The following TSPAN9 variants were observed in gnomAD, a reference collection of about 807,000 sequenced individuals.
The protein encoded by TSPAN9 is tetraspanin-9.
A neutral mutation model predicts 31.0 loss-of-function variants in TSPAN9; 16 were observed. The observed-to-expected ratio is 0.52, with a 90% CI of 0.35 to 0.78. The LOEUF is 0.78. Among genes scored for constraint, TSPAN9 ranks in the 30% least tolerant of loss-of-function variants. TSPAN9 has a pLI of 0.01. For synonymous variants in TSPAN9, 145 were observed against 121.6 expected, an observed-to-expected ratio of 1.19 and a Z score of -1.27; for missense variants, 272 against 312.5, an observed-to-expected ratio of 0.87 and a Z score of 0.98.
intron 3 of TSPAN9, among the ~76,000 whole-genome samples, chr12:3,247,499 C>T (rs867812534): frequency 7.2e-5 from 11 of 152,138 alleles, no homozygotes; most frequent in South Asian, 6.2e-4. Context: ...TGCAGGGTCT[C>T]AAATCCTCTT....
At chr12:3,113,911 T>C (rs1402229230) in intron 2 of TSPAN9, among the ~76,000 whole-genome samples, 2 of 152,230 alleles carry the variant, frequency 1.3e-5, no homozygotes, top group Non-Finnish European at 2.9e-5. Context: ...CAGGTCCCCT[T>C]GTTCCACGTG....
At chr12:3,212,191 C>T (rs1051445030) in intron 3 of TSPAN9, among the ~76,000 whole-genome samples, 68 of 151,808 alleles carry the variant, frequency 4.5e-4, no homozygotes, top group African/African-American at 1.6e-3. Flanking sequence ...AGGCTGGTCT[C>T]GAACTTCTGA....
At chr12:3,232,571 G>T (rs1380046819) in intron 3 of TSPAN9, among the ~76,000 whole-genome samples, 1 of 152,248 alleles carries the variant, frequency 6.6e-6, no homozygotes, top group Non-Finnish European at 1.5e-5. Flanking sequence ...GGCCAGCTTT[G>T]CATCGGAATC....
chr12:3,248,698 A>T (rs140348849), intron 3 of TSPAN9, among the ~76,000 whole-genome samples: 133 of 151,924 alleles, frequency 8.8e-4, no homozygotes, highest in African/African-American at 3.1e-3. Flanking sequence ...CAGTTTGGTT[A>T]TGCCCCCTGC....
Position 3,147,819 on chromosome 12 carries a change from G to C in TSPAN9, c.-17-53358G>C, listed in dbSNP as rs1320830323. On this transcript the variant is annotated intron_variant, in intron 2 of 8. Coordinates refer to ENST00000011898, the MANE Select transcript of TSPAN9 (RefSeq NM_006675.5). This position sits in a 1 kb window ranked among gnomAD's most constrained non-coding sequence, Gnocchi z 4.3. ...GCAGTGTTGGCTCACACTGGTGGGT[G>C]CCCTTTGGTGAGAGGTGCGTTGTGA... Among the ~76,000 whole-genome samples the C allele has an allele frequency of 1.3e-5, 2 of 152,220 alleles. No homozygotes were observed. The highest frequency in any genetic ancestry group is 2.9e-5 in the Non-Finnish European group (2 of 68,042).
Position 3,154,679 on chromosome 12 carries a change from G to A in TSPAN9, c.-17-46498G>A, listed in dbSNP as rs556919268. Among the ~76,000 whole-genome samples, 7 of 152,282 alleles carry A rather than the reference G, an allele frequency of 4.6e-5. 1 individual carries two copies. The South Asian group carries it at 1.0e-3, about 23-fold the overall frequency. Reference sequence around the variant, plus strand: ...TAGAACATGATGCACATGTTCAGCCGTGCAAAAGAGGAGCTAGTGCTTAAG... The same window carrying A: ...TAGAACATGATGCACATGTTCAGCCATGCAAAAGAGGAGCTAGTGCTTAAG... On this transcript the variant is annotated intron_variant, in intron 2 of 8. Transcript: ENST00000011898.
At chr12:3,126,965 G>C (rs2153966665) in intron 2 of TSPAN9, among the ~76,000 whole-genome samples, 1 of 152,200 alleles carries the variant, frequency 6.6e-6, no homozygotes, top group South Asian at 2.1e-4. Context: ...AAAAATTCAT[G>C]GAGTCTCGCT....
intron 2 of TSPAN9, among the ~76,000 whole-genome samples, chr12:3,084,670 AT>A (rs1375032321): frequency 6.6e-6 from 1 of 152,238 alleles, no homozygotes; most frequent in African/African-American, 2.4e-5. Flanking sequence ...TCCACAACCA[AT>A]TTAACTTAAT....
At chr12:3,137,881 G>A (rs202006400) in intron 2 of TSPAN9, among the ~76,000 whole-genome samples, 2 of 151,894 alleles carry the variant, frequency 1.3e-5, no homozygotes, top group Admixed American at 6.6e-5. Flanking sequence ...TCCTTCCCTC[G>A]TCCTATCCCA....
chr12:3,132,020 A>G (rs2098330036), intron 2 of TSPAN9, among the ~76,000 whole-genome samples: 1 of 152,170 alleles, frequency 6.6e-6, no homozygotes, highest in South Asian at 2.1e-4. Context: ...AGAATCATAC[A>G]GTATGTGGCC....
intron 2 of TSPAN9, among the ~76,000 whole-genome samples, chr12:3,184,249 TTAG>T (rs1313149051): frequency 6.6e-6 from 1 of 151,854 alleles, no homozygotes; most frequent in East Asian, 1.9e-4. Flanking sequence ...AATACAAAAA[TTAG>T]CTGGGCGTGG....
intron 2 of TSPAN9, among the ~76,000 whole-genome samples, chr12:3,181,128 G>T (rs1402780591): frequency 1.3e-5 from 2 of 152,166 alleles, no homozygotes; most frequent in Non-Finnish European, 2.9e-5. Flanking sequence ...TCTTATGTGC[G>T]AGCGGCTGGC....
intron 3 of TSPAN9, among the ~76,000 whole-genome samples, chr12:3,246,375 T>C (rs1862127538): frequency 6.6e-6 from 1 of 152,082 alleles, no homozygotes; most frequent in Non-Finnish European, 1.5e-5. Flanking sequence ...TTCCCCACCT[T>C]TTCCCAGCTC....
intron 2 of TSPAN9, among the ~76,000 whole-genome samples, chr12:3,153,626 A>T (rs893128255): frequency 6.6e-6 from 1 of 152,212 alleles, no homozygotes; most frequent in Non-Finnish European, 1.5e-5. Context: ...TGTTTAGCTC[A>T]CAATTTTAAC....
intron 2 of TSPAN9, among the ~76,000 whole-genome samples, chr12:3,191,116 A>G (rs1196390680): frequency 6.6e-6 from 1 of 152,086 alleles, no homozygotes; most frequent in African/African-American, 2.4e-5. Context: ...CGGAGGGAGC[A>G]TCCAGTGCAA....
intron 3 of TSPAN9, among the ~76,000 whole-genome samples, chr12:3,208,680 A>C (rs2153973762): frequency 6.6e-6 from 1 of 152,334 alleles, no homozygotes; most frequent in East Asian, 1.9e-4. Flanking sequence ...GACAGTTGTA[A>C]AATACATCAT....
At chr12:3,104,850 A>C (rs1195973341) in intron 2 of TSPAN9, among the ~76,000 whole-genome samples, 1 of 152,224 alleles carries the variant, frequency 6.6e-6, no homozygotes, top group Non-Finnish European at 1.5e-5. Flanking sequence ...GGCAGGTTCC[A>C]AAGGTTGTGC....
In TSPAN9 at chr12:3,280,576, C is replaced by A; in HGVS notation, c.432+93C>A. On this transcript the variant is annotated intron_variant, in intron 6 of 8. Transcript: ENST00000011898. This position sits in a 1 kb window ranked among gnomAD's most constrained non-coding sequence, Gnocchi z 4.5. ...CTTCCCCGGTGACCTGGCCGGGCACCTGTGCTTTCTGGATTTTAGCCGGGA... is the reference window on the plus strand; with the variant it reads ...CTTCCCCGGTGACCTGGCCGGGCACATGTGCTTTCTGGATTTTAGCCGGGA... The A allele has an allele frequency of 1.7e-6, 2 of 1,187,148 alleles. No individual in the cohort carries two copies. The allele number at this position is 1,187,148 out of a possible 1,614,324, so 73.5% of individuals were successfully genotyped here.
intron 1 of TSPAN9, among the ~76,000 whole-genome samples, chr12:3,079,242 G>A (rs2098296617): frequency 6.6e-6 from 1 of 152,188 alleles, no homozygotes; most frequent in Middle Eastern, 3.2e-3. Context: ...GCCTCCCACA[G>A]TGCTGGGATT....
Sources: allele counts gnomAD v4.1 joint callset (sites outside exome capture counted in the v4.1 genomes callset), GRCh38; gene constraint gnomAD v4.1.1; non-coding constraint Gnocchi (gnomAD v3.1); transcripts MANE v1.5; gene names NCBI Gene and HGNC (gene_info 2026-07-23, HGNC 2026-07-21).